The following SLX4IP variants were observed in gnomAD, a reference collection of about 807,000 sequenced individuals.
SLX4IP encodes the protein SLX4 interacting protein, also known as protein SLX4IP.
In SLX4IP, 34 loss-of-function variants were observed where a neutral mutation model predicts 32.9. The ratio of observed to expected loss-of-function variants is 1.03; its 90% confidence interval spans 0.79 to 1.38. The LOEUF is 1.38. SLX4IP is among the 40% of genes most tolerant of loss of function. SLX4IP has a pLI of 0.00. For synonymous variants in SLX4IP, 172 were observed against 171.7 expected (o/e 1.00, Z -0.01); for missense variants, 444 against 479.0 (o/e 0.93, Z 0.68).
intron 2 of SLX4IP, among the ~76,000 whole-genome samples, chr20:10,500,700 A>G (rs1256208289): frequency 1.3e-5 from 2 of 152,156 alleles, no homozygotes; most frequent in South Asian, 2.1e-4. Context: ...TGCATGAGCT[A>G]TGACTGCACC....
chr20:10,557,005 C>A (rs1310930913), intron 3 of SLX4IP, among the ~76,000 whole-genome samples: 1 of 152,324 alleles, frequency 6.6e-6, no homozygotes, highest in South Asian at 2.1e-4. Context: ...GCACTGAGCT[C>A]TCACCATTGC....
In SLX4IP at chr20:10,622,856, T is replaced by A; in HGVS notation, c.704T>A (p.Leu235His). Reference sequence around the variant, plus strand: ...AAGGCAGCTGAGAGCCACTGGGGGCTTCCTGTTCAAAAGCTGGAAAAAGTT... The same window carrying A: ...AAGGCAGCTGAGAGCCACTGGGGGCATCCTGTTCAAAAGCTGGAAAAAGTT... Reference protein sequence around the residue: ...SIKAAESHWGLPVQKLEKVNQ... With the variant: ...SIKAAESHWGHPVQKLEKVNQ... Residue 235 changes from leucine to histidine, a missense_variant, in exon 8 of 8, where the codon CTT becomes CAT. Physicochemically the swap from Leu to His is moderately conservative, Grantham distance 99. Transcript: ENST00000334534. 1 of 1,614,002 alleles carries A rather than the reference T, an allele frequency of 6.2e-7. No individual in the cohort carries two copies. Among genetic ancestry groups the A allele is most frequent in the South Asian group, 1.1e-5 (1 of 91,066 alleles).
chr20:10,580,655 C>T (rs946842591), intron 4 of SLX4IP, among the ~76,000 whole-genome samples: 26 of 152,014 alleles, frequency 1.7e-4, no homozygotes, highest in African/African-American at 6.0e-4. Flanking sequence ...CCCCTAGGAC[C>T]TCACATAGTA....
chr20:10,535,317 G>T (rs1160315802), intron 2 of SLX4IP, among the ~76,000 whole-genome samples: 1 of 152,060 alleles, frequency 6.6e-6, no homozygotes, highest in South Asian at 2.1e-4. Flanking sequence ...TGGAAAGAAC[G>T]TGCAGGTTTT....
chr20:10,595,804 C>A (rs2066763410), intron 4 of SLX4IP, among the ~76,000 whole-genome samples: 1 of 152,168 alleles, frequency 6.6e-6, no homozygotes, highest in Admixed American at 6.5e-5. Context: ...CCTCAAGTTT[C>A]TCTTTAAACA....
chr20:10,621,530 C>T, intron 7 of SLX4IP, 116 bp downstream of exon 7: 2 of 814,654 alleles, frequency 2.5e-6, no homozygotes, highest in South Asian at 1.5e-5. Context: ...TCCCCTCCGT[C>T]ACGTACTTAC....
intron 2 of SLX4IP, among the ~76,000 whole-genome samples, chr20:10,473,572 T>C (rs548007229): frequency 6.6e-6 from 1 of 151,380 alleles, no homozygotes; most frequent in East Asian, 2.0e-4. Flanking sequence ...CAGCTTATTC[T>C]GCAATTCTTC....
chr20:10,441,315 A>G (rs985875524), intron 1 of SLX4IP, among the ~76,000 whole-genome samples: 1 of 152,160 alleles, frequency 6.6e-6, no homozygotes, highest in South Asian at 2.1e-4. Context: ...TTACACCTGT[A>G]GTCCCAGCTA....
chr20:10,536,497 G>T (rs1282921778), intron 2 of SLX4IP, among the ~76,000 whole-genome samples: 1 of 152,192 alleles, frequency 6.6e-6, no homozygotes, highest in African/African-American at 2.4e-5. Context: ...AAAAGGAAAG[G>T]CAGAGAGCCT....
rs59874747 is a variant in SLX4IP at position 10,437,043 on chromosome 20, T to C, written c.-30+1590T>C. ...TTGCATGTGGACAGCAGTTCAATACTGACTTGGAAAACCTTGGGCCTTGGT... is the reference window on the plus strand; with the variant it reads ...TTGCATGTGGACAGCAGTTCAATACCGACTTGGAAAACCTTGGGCCTTGGT... On this transcript the variant is annotated intron_variant, in intron 1 of 7. Coordinates refer to ENST00000334534, the MANE Select transcript of SLX4IP (RefSeq NM_001009608.3). Among the ~76,000 whole-genome samples the C allele has an allele frequency of 4.5e-3, 682 of 152,260 alleles. 7 individuals carry two copies. Among genetic ancestry groups the C allele is most frequent in the African/African-American group, 0.015 (643 of 41,542 alleles).
chr20:10,582,770 A>T (rs2066599876), intron 4 of SLX4IP, among the ~76,000 whole-genome samples: 1 of 152,158 alleles, frequency 6.6e-6, no homozygotes. Flanking sequence ...AATTATTCTA[A>T]AGATTATAGT....
At chr20:10,560,597 A>C in intron 3 of SLX4IP, 103 bp from the exon 4 acceptor site, 3 of 946,472 alleles carry the variant, frequency 3.2e-6, no homozygotes, top group Non-Finnish European at 4.4e-6. Flanking sequence ...AGCTAAATTA[A>C]AAAGCAAAAT....
In SLX4IP at chr20:10,627,981, T is replaced by C. The variant is rs1039616365; in HGVS notation, c.*4602T>C. 6 of 152,362 alleles carry C rather than the reference T, an allele frequency of 3.9e-5. No individual in the cohort carries two copies. Among genetic ancestry groups the C allele is most frequent in the African/African-American group, 1.4e-4 (6 of 41,574 alleles). The allele number at this position is 152,362 out of a possible 1,614,324, so 9.4% of individuals were successfully genotyped here. On this transcript the variant is annotated 3_prime_UTR_variant, in exon 8 of 8. Transcript: ENST00000334534. The stretch of plus-strand genomic sequence containing the variant: ...GCATGCCTAGGGGATGAAACCTATG[T>C]AATAGAAATGTACTGTTTTATGAAT...
At chr20:10,473,163 C>T (rs1039920299) in intron 2 of SLX4IP, among the ~76,000 whole-genome samples, 1 of 152,178 alleles carries the variant, frequency 6.6e-6, no homozygotes, top group African/African-American at 2.4e-5. Flanking sequence ...TTCGGTCTGG[C>T]TGTTATACGC....
chr20:10,518,404 T>TTTCTTTCTTTCC lies in SLX4IP; in HGVS notation c.28-37824_28-37823insTTTCTTTCCTTC, dbSNP rs369072091. Among the ~76,000 whole-genome samples the TTTCTTTCTTTCC allele has an allele frequency of 7.1e-3, 660 of 92,432 alleles. 16 individuals carry two copies. Among genetic ancestry groups the TTTCTTTCTTTCC allele is most frequent in the Non-Finnish European group, 0.012 (560 of 45,560 alleles). 60.6% of individuals were successfully genotyped at this position (92,432 alleles called of 152,430 possible). Reference sequence around the variant, plus strand: ...CTTTCCTTCTTCCTTTCTTTCTTTCTTTCCTTCCTTCCTTCCTTCCCTCCC... The same window carrying TTTCTTTCTTTCC: ...CTTTCCTTCTTCCTTTCTTTCTTTCTTTCTTTCTTTCCTTCCTTCCTTCCTTCCTTCCCTCCC... On this transcript the variant is annotated intron_variant, in intron 2 of 7. Transcript: ENST00000334534.
At chr20:10,440,204 C>T (rs1180179236) in intron 1 of SLX4IP, among the ~76,000 whole-genome samples, 1 of 151,134 alleles carries the variant, frequency 6.6e-6, no homozygotes, top group Non-Finnish European at 1.5e-5. Flanking sequence ...CCTGTTATTC[C>T]AACACTTTGG....
intron 2 of SLX4IP, among the ~76,000 whole-genome samples, chr20:10,474,545 G>A (rs2065457202): frequency 6.6e-6 from 1 of 152,098 alleles, no homozygotes; most frequent in African/African-American, 2.4e-5. Flanking sequence ...TTACATCTCT[G>A]TGGAGTTTTT....
At chr20:10,572,626 G>A (rs2066478541) in intron 4 of SLX4IP, among the ~76,000 whole-genome samples, 2 of 151,986 alleles carry the variant, frequency 1.3e-5, no homozygotes, top group Non-Finnish European at 2.9e-5. Context: ...ACCTTTTCTT[G>A]TAGTTAACAT....
At chr20:10,556,818 A>G (rs969172157) in intron 3 of SLX4IP, among the ~76,000 whole-genome samples, 2 of 152,192 alleles carry the variant, frequency 1.3e-5, no homozygotes, top group African/African-American at 2.4e-5. Context: ...TCCTTCTCAC[A>G]ATGGTCAGTC....
Sources: gnomAD v4.1 joint callset for allele counts (sites outside exome capture counted in the v4.1 genomes callset) on GRCh38, gnomAD v4.1.1 for gene constraint, MANE v1.5 for transcripts, NCBI Gene and HGNC (gene_info 2026-07-23, HGNC 2026-07-21) for gene names.